The following DSCAM variants were observed in gnomAD, a reference collection of about 807,000 sequenced individuals.
DSCAM encodes cell adhesion molecule DSCAM.
In DSCAM, 47 loss-of-function variants were observed where a neutral mutation model predicts 217.7. That is an observed-to-expected ratio of 0.22 (90% CI 0.17 to 0.28). The LOEUF (loss-of-function observed/expected upper bound fraction) is 0.28. Among genes scored for constraint, DSCAM ranks in the 10% least tolerant of loss-of-function variants. The pLI is 1.00. For missense variants in DSCAM, 2,080 were observed against 2,618.3 expected (o/e 0.79, Z 4.49); for synonymous variants, 1,056 against 1,015.3 (o/e 1.04, Z -0.76).
chr21:40,485,141 G>A (rs2145995981), intron 3 of DSCAM, among the ~76,000 whole-genome samples: 2 of 151,716 alleles, frequency 1.3e-5, no homozygotes, highest in East Asian at 3.9e-4. Flanking sequence ...GAGGTCCCTT[G>A]CTACTAAGCT....
At chr21:40,743,143 T>C (rs2205146) in intron 1 of DSCAM, among the ~76,000 whole-genome samples, 118,349 of 152,118 alleles carry the variant, frequency 0.78, 46,163 homozygotes, top group Admixed American at 0.82. Context: ...GAATACAGAG[T>C]GGCTGAATCA....
chr21:40,672,130 T>A (rs780989845), intron 3 of DSCAM, among the ~76,000 whole-genome samples: 1 of 152,194 alleles, frequency 6.6e-6, no homozygotes, highest in South Asian at 2.1e-4. Context: ...GGTTAGGTAC[T>A]GCCCTGATGC....
At chr21:40,743,042 T>G (rs979648846) in intron 1 of DSCAM, among the ~76,000 whole-genome samples, 1 of 152,192 alleles carries the variant, frequency 6.6e-6, no homozygotes, top group Non-Finnish European at 1.5e-5. Context: ...ATACTTACAC[T>G]TACTTTACTG....
chr21:40,408,461 AT>A (rs1361833073), intron 3 of DSCAM, among the ~76,000 whole-genome samples: 1 of 152,134 alleles, frequency 6.6e-6, no homozygotes, highest in Non-Finnish European at 1.5e-5. Context: ...TTTGCTGGAA[AT>A]TGCCCTACGA....
chr21:40,157,854 C>G (rs962442956), intron 16 of DSCAM, among the ~76,000 whole-genome samples: 9 of 152,000 alleles, frequency 5.9e-5, no homozygotes, highest in African/African-American at 2.2e-4. Flanking sequence ...ACCACCACAC[C>G]CAGCTATTTT....
chr21:40,723,090 CT>C (rs3071003), intron 1 of DSCAM, among the ~76,000 whole-genome samples: 6,123 of 139,376 alleles, frequency 0.044, 134 homozygotes, highest in East Asian at 0.11. Context: ...CTCTCTCGCT[CT>C]TTTTTTTTTT....
At chr21:40,799,421 C>G (rs1271983676) in intron 1 of DSCAM, among the ~76,000 whole-genome samples, 2 of 152,080 alleles carry the variant, frequency 1.3e-5, no homozygotes, top group Admixed American at 6.6e-5. Flanking sequence ...GTAAATTATT[C>G]TACAGTATTA....
intron 3 of DSCAM, among the ~76,000 whole-genome samples, chr21:40,462,023 A>G (rs999413062): frequency 6.6e-6 from 1 of 152,216 alleles, no homozygotes; most frequent in Non-Finnish European, 1.5e-5. Flanking sequence ...GTGTGTGCTA[A>G]TTTGTTAAAG....
chr21:40,523,784 C>G (rs1414596561), intron 3 of DSCAM, among the ~76,000 whole-genome samples: 5 of 152,092 alleles, frequency 3.3e-5, no homozygotes, highest in Admixed American at 3.3e-4. Context: ...ACCAATAGAG[C>G]ACACAGTAAC....
rs541844302 is a variant in DSCAM at position 40,190,904 on chromosome 21, A to G, written c.2357-1666T>C. The stretch of plus-strand genomic sequence containing the variant: ...AATAACTATGCAAGAATGTTTAAAG[A>G]TATTTTAAAAATATGATAAAGGAAC... On this transcript the variant is annotated intron_variant, in intron 11 of 32. Coordinates refer to ENST00000400454, the MANE Select transcript of DSCAM (RefSeq NM_001389.5). 1.2e-4 allele frequency among the ~76,000 whole-genome samples: 18 copies of G among 152,364 alleles called. No homozygotes were observed. The South Asian group carries it at 1.7e-3, about 14-fold the overall frequency.
chr21:40,708,681 G>T lies in DSCAM; in HGVS notation c.134C>A (p.Pro45His). ...AGGAGGGATGCCTGCTGCGGGGCAG[G>T]GCACCAGAGTCCCCGTGGTGCTGGC... is the stretch of plus-strand genomic sequence containing the variant. ...VFASTTGTLV[P>H]CPAAGIPPVT... The change falls in exon 2 of 33, where the codon CCC becomes CAC. Residue 45 changes from proline to histidine, a missense_variant. Around this residue, in one of 5 missense-constraint regions of DSCAM, gnomAD observed 568 missense variants for 678.1 expected, o/e 0.84. Transcript: ENST00000400454. 1 of 1,612,592 alleles carries T rather than the reference G, an allele frequency of 6.2e-7. No homozygotes were observed. Among genetic ancestry groups the T allele is most frequent in the Non-Finnish European group, 8.5e-7 (1 of 1,179,368 alleles).
At chr21:40,450,136 T>C (rs1024657795) in intron 3 of DSCAM, among the ~76,000 whole-genome samples, 3 of 152,172 alleles carry the variant, frequency 2.0e-5, no homozygotes, top group African/African-American at 4.8e-5. Context: ...CAAGTTACTC[T>C]GGTACTCATT....
chr21:40,468,720 T>C (rs1194073452), intron 3 of DSCAM, among the ~76,000 whole-genome samples: 1 of 152,144 alleles, frequency 6.6e-6, no homozygotes, highest in African/African-American at 2.4e-5. Context: ...AAACAGATTA[T>C]TGGGTATTTA....
chr21:40,220,235 C>G (rs2091278752), intron 11 of DSCAM, among the ~76,000 whole-genome samples: 1 of 152,174 alleles, frequency 6.6e-6, no homozygotes, highest in African/African-American at 2.4e-5. Flanking sequence ...GAGTCATTGT[C>G]TGTGTGTGGC....
chr21:40,391,466 A>G (rs2075133534), intron 3 of DSCAM, among the ~76,000 whole-genome samples: 1 of 152,238 alleles, frequency 6.6e-6, no homozygotes, highest in Non-Finnish European at 1.5e-5. Context: ...CAAATGATAC[A>G]ATGTGCTTGA....
intron 3 of DSCAM, among the ~76,000 whole-genome samples, chr21:40,587,296 A>G (rs1806597010): frequency 6.6e-6 from 1 of 152,222 alleles, no homozygotes. Context: ...TTTTCATGAC[A>G]AAATCTGGGT....
chr21:40,637,651 CTATA>C (rs72126679), intron 3 of DSCAM, among the ~76,000 whole-genome samples: 4 of 71,006 alleles, frequency 5.6e-5, no homozygotes, highest in East Asian at 4.0e-4. Context: ...AAATATATAT[CTATA>C]TATATATATA....
At chr21:40,045,046 A>G (rs2088822262) in intron 30 of DSCAM, among the ~76,000 whole-genome samples, 1 of 152,234 alleles carries the variant, frequency 6.6e-6, no homozygotes, top group African/African-American at 2.4e-5. Context: ...CCTTTTAAGA[A>G]GAGGACACAG....
intron 10 of DSCAM, among the ~76,000 whole-genome samples, chr21:40,286,129 A>G (rs182875187): frequency 6.6e-6 from 1 of 152,284 alleles, no homozygotes; most frequent in African/African-American, 2.4e-5. Flanking sequence ...AGCCTCCACC[A>G]GGTCAGGCTT....
Sources: allele counts gnomAD v4.1 joint callset (sites outside exome capture counted in the v4.1 genomes callset), GRCh38; gene constraint gnomAD v4.1.1; regional missense constraint gnomAD v4.1.1; transcripts MANE v1.5; gene names NCBI Gene and HGNC (gene_info 2026-07-23, HGNC 2026-07-21).